ZMAT4: variants seen among roughly 807,000 people sequenced by gnomAD.
The protein encoded by ZMAT4 is zinc finger matrin-type protein 4.
In ZMAT4, 17 loss-of-function variants were observed where a neutral mutation model predicts 28.7. That is an observed-to-expected ratio of 0.59 (90% CI 0.41 to 0.89). ZMAT4 has a LOEUF of 0.89. Among genes scored for constraint, ZMAT4 ranks in the 40% least tolerant of loss-of-function variants. The probability of loss-of-function intolerance (pLI) is 0.00; values close to 1 mark genes in which losing one functional copy is unlikely to be tolerated. For missense variants in ZMAT4, 240 were observed against 283.8 expected (o/e 0.85, Z 1.11); for synonymous variants, 117 against 109.2 (o/e 1.07, Z -0.44).
intron 5 of ZMAT4, among the ~76,000 whole-genome samples, chr8:40,657,813 G>A (rs1434012326): frequency 6.6e-6 from 1 of 152,130 alleles, no homozygotes; most frequent in Non-Finnish European, 1.5e-5. Context: ...TATTGAAGAC[G>A]TTAAGTGAGG....
chr8:40,539,891 CT>C (rs1349619150), intron 6 of ZMAT4, among the ~76,000 whole-genome samples: 1 of 152,084 alleles, frequency 6.6e-6, no homozygotes, highest in Non-Finnish European at 1.5e-5. Flanking sequence ...TAGTGAGTCC[CT>C]AGATAGATTC....
At chr8:40,753,249 T>G (rs1468072536) in intron 3 of ZMAT4, among the ~76,000 whole-genome samples, 2 of 152,128 alleles carry the variant, frequency 1.3e-5, no homozygotes, top group African/African-American at 4.8e-5. Context: ...TTTTATGACT[T>G]CCTTCTTACT....
chr8:40,574,720 G>T (rs758248533), intron 6 of ZMAT4, among the ~76,000 whole-genome samples: 29 of 152,276 alleles, frequency 1.9e-4, no homozygotes, highest in Middle Eastern at 3.4e-3. Context: ...TCTCCATCAC[G>T]TTTGACTCAG....
chr8:40,798,623 C>T (rs1814691202), intron 2 of ZMAT4, among the ~76,000 whole-genome samples: 1 of 152,194 alleles, frequency 6.6e-6, no homozygotes, highest in African/African-American at 2.4e-5. Flanking sequence ...TGATCACTTT[C>T]AACTTCTGTT....
intron 1 of ZMAT4, among the ~76,000 whole-genome samples, chr8:40,826,574 T>A (rs557452985): frequency 6.6e-6 from 1 of 152,276 alleles, no homozygotes; most frequent in South Asian, 2.1e-4. Flanking sequence ...AGTTAAATAG[T>A]TGCACTTAGA....
chr8:40,604,540 C>T (rs574889000), intron 5 of ZMAT4, among the ~76,000 whole-genome samples: 7 of 152,216 alleles, frequency 4.6e-5, no homozygotes, highest in African/African-American at 7.2e-5. Flanking sequence ...TTGCATATGT[C>T]GAACCATCCC....
chr8:40,821,169 A>G (rs1422543711), intron 2 of ZMAT4, among the ~76,000 whole-genome samples: 2 of 152,066 alleles, frequency 1.3e-5, no homozygotes, highest in Admixed American at 6.6e-5. Context: ...CCTACGTTGC[A>G]GAAAACCACT....
chr8:40,707,259 C>G (rs1044851678), intron 3 of ZMAT4, among the ~76,000 whole-genome samples: 1 of 138,140 alleles, frequency 7.2e-6, no homozygotes, highest in African/African-American at 2.7e-5. Context: ...AAGCATATAT[C>G]TTATTGTCTC....
At chr8:40,659,140 T>A (rs1018127699) in intron 5 of ZMAT4, among the ~76,000 whole-genome samples, 2 of 152,150 alleles carry the variant, frequency 1.3e-5, no homozygotes, top group Non-Finnish European at 2.9e-5. Flanking sequence ...TACATGAGTG[T>A]GTGCATGTGC....
intron 3 of ZMAT4, among the ~76,000 whole-genome samples, chr8:40,701,377 C>A (rs896181008): frequency 2.0e-5 from 3 of 152,096 alleles, no homozygotes; most frequent in Non-Finnish European, 4.4e-5. Context: ...AGTTAGGCAG[C>A]CTTTCATGCC....
At chr8:40,766,728 A>C (rs1563469798) in intron 3 of ZMAT4, among the ~76,000 whole-genome samples, 1 of 152,248 alleles carries the variant, frequency 6.6e-6, no homozygotes, top group Admixed American at 6.5e-5. Context: ...GCTCATAGGC[A>C]GTTCTCTTGC....
At chr8:40,784,436 T>C (rs551282863) in intron 2 of ZMAT4, among the ~76,000 whole-genome samples, 65 of 152,256 alleles carry the variant, frequency 4.3e-4, no homozygotes, top group African/African-American at 1.5e-3. Context: ...ATACAGGTTA[T>C]ATGAAAAATC....
In ZMAT4 at chr8:40,605,441, A is replaced by G. The variant is rs542766889; in HGVS notation, c.578-24180T>C. ...TTATCTTGATTTCATTGTGAACTCA[A>G]TGATCATTCAGGAGCAGGCTATTTA... On this transcript the variant is annotated intron_variant, in intron 5 of 6. Transcript: ENST00000297737. Among the ~76,000 whole-genome samples, 37 of 152,336 alleles carry G rather than the reference A, an allele frequency of 2.4e-4. No homozygotes were observed. In the South Asian group the frequency reaches 4.8e-3, roughly 20 times the overall value.
chr8:40,817,826 G>A (rs752506078), intron 2 of ZMAT4, among the ~76,000 whole-genome samples: 2 of 152,230 alleles, frequency 1.3e-5, no homozygotes, highest in Non-Finnish European at 2.9e-5. Context: ...GAGATGGATA[G>A]TTGGTGGCCA....
chr8:40,890,823 T>C (rs1388666932), intron 1 of ZMAT4, among the ~76,000 whole-genome samples: 1 of 151,962 alleles, frequency 6.6e-6, no homozygotes, highest in South Asian at 2.1e-4. Flanking sequence ...AATCATGCGC[T>C]GGATGGAGTT....
chr8:40,864,854 C>T (rs1037331714), intron 1 of ZMAT4, among the ~76,000 whole-genome samples: 1 of 152,138 alleles, frequency 6.6e-6, no homozygotes, highest in African/African-American at 2.4e-5. Context: ...TGAAAATGTA[C>T]TGAAGCTGAT....
chr8:40,831,166 A>G (rs1816267338), intron 1 of ZMAT4, among the ~76,000 whole-genome samples: 1 of 152,208 alleles, frequency 6.6e-6, no homozygotes, highest in African/African-American at 2.4e-5. Context: ...TGTATCAACA[A>G]TACCATCCAC....
intron 5 of ZMAT4, among the ~76,000 whole-genome samples, chr8:40,670,182 C>A (rs1808607347): frequency 6.6e-6 from 1 of 152,116 alleles, no homozygotes; most frequent in South Asian, 2.1e-4. Flanking sequence ...CAGTGTGGTG[C>A]TGGTATAAAG....
chr8:40,718,221 C>G (rs549971864), intron 3 of ZMAT4, among the ~76,000 whole-genome samples: 8 of 152,168 alleles, frequency 5.3e-5, no homozygotes, highest in Non-Finnish European at 1.0e-4. Flanking sequence ...GCAATTCTGC[C>G]CAAAAATAAA....
Sources: allele counts gnomAD v4.1 joint callset (sites outside exome capture counted in the v4.1 genomes callset), GRCh38; gene constraint gnomAD v4.1.1; transcripts MANE v1.5; gene names NCBI Gene and HGNC (gene_info 2026-07-23, HGNC 2026-07-21).